PKNOX2: variants seen among roughly 807,000 people sequenced by gnomAD.
PKNOX2 encodes the protein homeobox protein PKNOX2.
In PKNOX2, 14 loss-of-function variants were observed where a neutral mutation model predicts 53.1. The ratio of observed to expected loss-of-function variants is 0.26; its 90% confidence interval spans 0.17 to 0.41. The LOEUF (loss-of-function observed/expected upper bound fraction) is 0.41, where lower values mean the gene tolerates loss of function less well. Ranked by LOEUF, PKNOX2 falls within the 10% of genes least tolerant of loss-of-function variation. The pLI, the probability that PKNOX2 is intolerant of heterozygous loss-of-function variation, is 1.00. For missense variants in PKNOX2, 496 were observed against 602.8 expected, an observed-to-expected ratio of 0.82 and a Z score of 1.85; for synonymous variants, 257 against 242.8, an observed-to-expected ratio of 1.06 and a Z score of -0.54.
chr11:125,398,905 T>C lies in PKNOX2; in HGVS notation c.588+843T>C, dbSNP rs181320552. ...TCTGTAGCCTCTTCTCATTAAACAA[T>C]CAGGCATGGGGATGCAGGTAAACTT... On this transcript the variant is annotated intron_variant, in intron 7 of 12. Transcript: ENST00000298282. 3.1e-3 allele frequency among the ~76,000 whole-genome samples: 477 copies of C among 152,292 alleles called. 3 individuals are homozygous for C. Among genetic ancestry groups the C allele is most frequent in the African/African-American group, 9.5e-3 (393 of 41,568 alleles).
chr11:125,329,279 T>C (rs999267113), intron 2 of PKNOX2, among the ~76,000 whole-genome samples: 2 of 152,258 alleles, frequency 1.3e-5, no homozygotes, highest in Non-Finnish European at 2.9e-5. Flanking sequence ...AAGAAGCATT[T>C]TACTCCAAAT....
At chr11:125,397,772 G>A in intron 6 of PKNOX2, 102 bp from the exon 7 acceptor site, 1 of 1,204,858 alleles carries the variant, frequency 8.3e-7, no homozygotes, top group South Asian at 1.5e-5. Flanking sequence ...AGCTACGGCA[G>A]GGGGTGGGCT....
At chr11:125,200,226 A>G (rs1938283709) in intron 1 of PKNOX2, among the ~76,000 whole-genome samples, 1 of 152,206 alleles carries the variant, frequency 6.6e-6, no homozygotes, top group South Asian at 2.1e-4. Context: ...CATTAGTCCC[A>G]TGAAGAAATA....
intron 1 of PKNOX2, among the ~76,000 whole-genome samples, chr11:125,193,778 C>A (rs560460807): frequency 6.6e-6 from 1 of 152,066 alleles, no homozygotes. Flanking sequence ...AGAGGCAGCA[C>A]GGTTGGGGGC....
In PKNOX2 at chr11:125,431,770, C is replaced by T. The variant is rs956691788; in HGVS notation, c.*378C>T. On this transcript the variant is annotated 3_prime_UTR_variant, in exon 13 of 13. Transcript: ENST00000298282. ...TGCACTGAGGCAGATTGGTGCTGTT[C>T]GCAGAGTAGGCCTTTGCCCGGGGGC... 1.2e-4 allele frequency: 25 copies of T among 206,350 alleles called. No homozygotes were observed. The highest frequency in any genetic ancestry group is 2.4e-4 in the Non-Finnish European group (24 of 101,870). The allele number at this position is 206,350 out of a possible 1,614,324, so 12.8% of individuals were successfully genotyped here.
chr11:125,325,574 A>T (rs1471282524), intron 2 of PKNOX2, among the ~76,000 whole-genome samples: 1 of 152,228 alleles, frequency 6.6e-6, no homozygotes. Context: ...ACAAGTTATT[A>T]TTGCTATCAT....
chr11:125,291,240 C>T (rs1448219474), intron 2 of PKNOX2, among the ~76,000 whole-genome samples: 1 of 152,154 alleles, frequency 6.6e-6, no homozygotes, highest in African/African-American at 2.4e-5. Context: ...ATCAGTGCTC[C>T]CCATGCTGCA....
intron 4 of PKNOX2, among the ~76,000 whole-genome samples, chr11:125,353,580 T>A (rs1287724740): frequency 6.6e-6 from 1 of 152,144 alleles, no homozygotes; most frequent in Non-Finnish European, 1.5e-5. Context: ...CTTCCATATC[T>A]AAGGTCTCAG....
At position 125,385,648 on chromosome 11, in the gene PKNOX2, A is replaced by G; in HGVS notation, c.325A>G (p.Ile109Val). The G allele has an allele frequency of 6.2e-7, 1 of 1,614,130 alleles. No individual in the cohort carries two copies. The highest frequency in any genetic ancestry group is 8.5e-7 in the Non-Finnish European group (1 of 1,180,012). The change falls in exon 6 of 13, where the codon ATC (isoleucine) becomes GTC (valine). Residue 109 changes from isoleucine (I) to valine (V), a missense_variant. Around this residue, in one of 5 missense-constraint regions of PKNOX2, gnomAD observed 168 missense variants for 178.4 expected, o/e 0.94. Coordinates refer to ENST00000298282, the MANE Select transcript of PKNOX2 (RefSeq NM_001382323.2). ...CACCTCCGCCAGCTTTGATGTGGACATCGAGAACTTTGTCCACCAGCAGGA... is the reference window on the plus strand; with the variant it reads ...CACCTCCGCCAGCTTTGATGTGGACGTCGAGAACTTTGTCCACCAGCAGGA... Reference protein sequence around the residue: ...CITSASFDVDIENFVHQQEQE... With the variant: ...CITSASFDVDVENFVHQQEQE...
At chr11:125,236,409 C>T (rs1942703210) in intron 2 of PKNOX2, among the ~76,000 whole-genome samples, 1 of 151,974 alleles carries the variant, frequency 6.6e-6, no homozygotes, top group South Asian at 2.1e-4. Context: ...GAGGGGCAGA[C>T]TAGAAGATAA....
chr11:125,169,280 G>A (rs541184467), intron 1 of PKNOX2, among the ~76,000 whole-genome samples: 2 of 152,182 alleles, frequency 1.3e-5, no homozygotes, highest in Non-Finnish European at 2.9e-5. Flanking sequence ...ACCATGCTTT[G>A]TATAAAACAC....
At position 125,351,411 on chromosome 11, in the gene PKNOX2, C is replaced by A; in HGVS notation, c.87+19C>A. 1 of 1,520,136 alleles carries A rather than the reference C, an allele frequency of 6.6e-7. No individual in the cohort carries two copies. Among genetic ancestry groups the A allele is most frequent in the Non-Finnish European group, 9.1e-7 (1 of 1,099,396 alleles). 94.2% of individuals were successfully genotyped at this position (1,520,136 alleles called of 1,614,324 possible). A position where few individuals can be genotyped will look rare whatever the true frequency, so the allele number is the denominator to read the frequency against. On this transcript the variant is annotated intron_variant, in intron 4 of 12. Transcript: ENST00000298282. The stretch of plus-strand genomic sequence containing the variant: ...CCCACAGGTGAGTGCGCAGGGGCCG[C>A]TGCCTCCCACCACGGGGGAGGGAGT...
intron 1 of PKNOX2, among the ~76,000 whole-genome samples, chr11:125,216,563 G>C (rs992859445): frequency 2.0e-5 from 3 of 152,162 alleles, no homozygotes; most frequent in African/African-American, 7.2e-5. Context: ...TCTTCAAAAG[G>C]GTTGCTCCTA....
At chr11:125,244,637 C>T (rs560868052) in intron 2 of PKNOX2, among the ~76,000 whole-genome samples, 2 of 152,342 alleles carry the variant, frequency 1.3e-5, no homozygotes, top group African/African-American at 4.8e-5. Flanking sequence ...TGCACTGAAC[C>T]TATTTGTGAG....
At chr11:125,385,076 C>T (rs116346624) in intron 5 of PKNOX2, among the ~76,000 whole-genome samples, 1,544 of 152,312 alleles carry the variant, frequency 0.01, 27 homozygotes, top group African/African-American at 0.035. Flanking sequence ...CCTGCATGCA[C>T]TTGCAAGCAC....
intron 6 of PKNOX2, among the ~76,000 whole-genome samples, chr11:125,390,549 C>T (rs1013698048): frequency 6.6e-6 from 1 of 152,208 alleles, no homozygotes; most frequent in Admixed American, 6.5e-5. Context: ...AGTGTCTCAC[C>T]GTAGGTGGAA....
chr11:125,402,230 T>G (rs1050636110), intron 7 of PKNOX2, among the ~76,000 whole-genome samples: 1 of 152,104 alleles, frequency 6.6e-6, no homozygotes, highest in Non-Finnish European at 1.5e-5. Context: ...ATTTTCCCCC[T>G]CCCTAGGAAC....
intron 3 of PKNOX2, among the ~76,000 whole-genome samples, chr11:125,342,544 G>C (rs1351463439): frequency 2.0e-5 from 3 of 152,226 alleles, no homozygotes; most frequent in Non-Finnish European, 4.4e-5. Context: ...TTCCACCTGG[G>C]ATCCCAGCGC....
At chr11:125,195,476 G>A (rs1026402665) in intron 1 of PKNOX2, among the ~76,000 whole-genome samples, 6 of 152,116 alleles carry the variant, frequency 3.9e-5, no homozygotes, top group African/African-American at 7.2e-5. Context: ...GGCAGTGAGT[G>A]GGGAGGCGGG....
Sources: allele counts gnomAD v4.1 joint callset (sites outside exome capture counted in the v4.1 genomes callset), GRCh38; gene constraint gnomAD v4.1.1; regional missense constraint gnomAD v4.1.1; transcripts MANE v1.5; gene names NCBI Gene and HGNC (gene_info 2026-07-23, HGNC 2026-07-21).